WWOX: variants seen among roughly 807,000 people sequenced by gnomAD.
The protein encoded by WWOX is WW domain-containing oxidoreductase.
In WWOX, 69 loss-of-function variants were observed where a neutral mutation model predicts 46.2. That is an observed-to-expected ratio of 1.49 (90% CI 1.23 to 1.82). The LOEUF (loss-of-function observed/expected upper bound fraction) is 1.82, where lower values mean the gene tolerates loss of function less well. Ranked by LOEUF, WWOX falls within the 40% of genes most tolerant of loss-of-function variation. The probability of loss-of-function intolerance (pLI) is 0.00; values close to 1 mark genes in which losing one functional copy is unlikely to be tolerated. For missense variants in WWOX, 919 were observed against 542.6 expected (o/e 1.69, Z -6.89); for synonymous variants, 359 against 202.6 (o/e 1.77, Z -6.56).
intron 8 of WWOX, among the ~76,000 whole-genome samples, chr16:78,488,406 C>T (rs1194687449): frequency 6.6e-6 from 1 of 152,144 alleles, no homozygotes; most frequent in Non-Finnish European, 1.5e-5. Context: ...GTAAAACCTG[C>T]ACAGTGGTAC....
intron 8 of WWOX, among the ~76,000 whole-genome samples, chr16:78,831,643 A>G (rs1049043045): frequency 5.9e-5 from 9 of 152,186 alleles, no homozygotes; most frequent in Non-Finnish European, 1.3e-4. Flanking sequence ...GAGTTTTTTC[A>G]TCTGTGAAAG....
intron 8 of WWOX, among the ~76,000 whole-genome samples, chr16:79,175,406 T>G (rs1289274949): frequency 1.3e-5 from 2 of 152,226 alleles, no homozygotes; most frequent in Non-Finnish European, 2.9e-5. Context: ...TGTTCATGTT[T>G]ACACATGGCC....
At chr16:78,576,013 ATTTAT>A (rs1221307399) in intron 8 of WWOX, among the ~76,000 whole-genome samples, 1 of 152,128 alleles carries the variant, frequency 6.6e-6, no homozygotes, top group Non-Finnish European at 1.5e-5. Context: ...CTGGATTATC[ATTTAT>A]TTATGAGGCT....
chr16:78,937,711 G>A (rs1048739239), intron 8 of WWOX, among the ~76,000 whole-genome samples: 2 of 151,774 alleles, frequency 1.3e-5, no homozygotes, highest in East Asian at 3.9e-4. Context: ...TGCAACCTCC[G>A]CCTCCTGGGT....
At chr16:78,833,152 C>T (rs1183147043) in intron 8 of WWOX, among the ~76,000 whole-genome samples, 1 of 152,030 alleles carries the variant, frequency 6.6e-6, no homozygotes, top group Admixed American at 6.6e-5. Context: ...AGCGATCCTC[C>T]AGCCTCTGCC....
chr16:78,665,490 C>G (rs1286785894), intron 8 of WWOX, among the ~76,000 whole-genome samples: 1 of 152,082 alleles, frequency 6.6e-6, no homozygotes, highest in African/African-American at 2.4e-5. Context: ...CGAGTGGAAT[C>G]TGGGGGCAAG....
At chr16:79,000,831 ACT>A (rs1181407903) in intron 8 of WWOX, among the ~76,000 whole-genome samples, 4 of 152,002 alleles carry the variant, frequency 2.6e-5, no homozygotes, top group South Asian at 2.1e-4. Context: ...TTCCCCATTG[ACT>A]CTCAGAGGAC....
Position 78,349,242 on chromosome 16 carries a change from A to C in WWOX, c.517-37618A>C, listed in dbSNP as rs1031139763. Among the ~76,000 whole-genome samples the C allele has an allele frequency of 2.5e-5, 3 of 119,412 alleles. 1 individual carries two copies. The highest frequency in any genetic ancestry group is 8.6e-5 in the African/African-American group (3 of 35,078). 78.3% of individuals were successfully genotyped at this position (119,412 alleles called of 152,430 possible). ...GATGTCCTCTTCTTTGAAGGACACC[A>C]CTCAGATTGCAATAGGACCTGCCCT... On this transcript the variant is annotated intron_variant, in intron 5 of 8. Coordinates refer to ENST00000566780, the MANE Select transcript of WWOX (RefSeq NM_016373.4).
At chr16:78,778,050 A>G (rs978298399) in intron 8 of WWOX, among the ~76,000 whole-genome samples, 1 of 151,802 alleles carries the variant, frequency 6.6e-6, no homozygotes, top group Admixed American at 6.6e-5. Context: ...ATCTGAAAAA[A>G]AAAAAAAAAA....
chr16:78,566,834 CAG>C (rs1354253112), intron 8 of WWOX, among the ~76,000 whole-genome samples: 3 of 152,264 alleles, frequency 2.0e-5, no homozygotes, highest in East Asian at 3.9e-4. Context: ...ATTCATCAAT[CAG>C]AGTGGGGCAT....
intron 8 of WWOX, among the ~76,000 whole-genome samples, chr16:78,712,167 T>C (rs965035734): frequency 1.3e-5 from 2 of 152,142 alleles, no homozygotes; most frequent in African/African-American, 4.8e-5. Context: ...CGAAATGTTA[T>C]GTGGGATAGG....
At chr16:78,820,201 G>T (rs1336396384) in intron 8 of WWOX, among the ~76,000 whole-genome samples, 1 of 152,088 alleles carries the variant, frequency 6.6e-6, no homozygotes, top group South Asian at 2.1e-4. Context: ...TGACATCTGG[G>T]TGTTGTAAGA....
chr16:78,785,845 C>A (rs753058754), intron 8 of WWOX, among the ~76,000 whole-genome samples: 2 of 152,118 alleles, frequency 1.3e-5, no homozygotes, highest in African/African-American at 4.8e-5. Flanking sequence ...TTTTTTTCTG[C>A]TACTCATAAT....
At chr16:78,633,121 G>A (rs539255354) in intron 8 of WWOX, among the ~76,000 whole-genome samples, 2 of 152,100 alleles carry the variant, frequency 1.3e-5, no homozygotes, top group Non-Finnish European at 2.9e-5. Flanking sequence ...AATTAGCCGG[G>A]TGTGGTGGCG....
In WWOX at chr16:78,316,711, C is replaced by T. The variant is rs1036844243; in HGVS notation, c.517-70149C>T. Among the ~76,000 whole-genome samples the T allele has an allele frequency of 2.0e-5, 3 of 152,072 alleles. No homozygotes were observed. The East Asian group carries it at 5.8e-4, about 29-fold the overall frequency. On this transcript the variant is annotated intron_variant, in intron 5 of 8. Transcript: ENST00000566780. ...GTATTGTCTTTTCTGCTGCTTTATC[C>T]AACTTTGCAATCTATAAGCTTCTGT...
chr16:78,596,292 C>G lies in WWOX; in HGVS notation c.1056+163540C>G, dbSNP rs16948178. Among the ~76,000 whole-genome samples, 657 of 152,254 alleles carry G rather than the reference C, an allele frequency of 4.3e-3. 4 individuals are homozygous for G. Among genetic ancestry groups the G allele is most frequent in the African/African-American group, 0.015 (628 of 41,556 alleles). On this transcript the variant is annotated intron_variant, in intron 8 of 8. Coordinates refer to ENST00000566780, the MANE Select transcript of WWOX (RefSeq NM_016373.4). Reference sequence around the variant, plus strand: ...CATGCAATAGAAACGTTTTGAGATCCTGTCTGGCTGGGTTCTGCTAGGCCT... The same window carrying G: ...CATGCAATAGAAACGTTTTGAGATCGTGTCTGGCTGGGTTCTGCTAGGCCT...
At chr16:78,990,587 C>T (rs892913633) in intron 8 of WWOX, among the ~76,000 whole-genome samples, 2 of 152,160 alleles carry the variant, frequency 1.3e-5, no homozygotes, top group South Asian at 2.1e-4. Flanking sequence ...GTAATTCCAT[C>T]ACCACCCAAG....
At chr16:78,715,215 A>G (rs909267000) in intron 8 of WWOX, among the ~76,000 whole-genome samples, 3 of 152,200 alleles carry the variant, frequency 2.0e-5, no homozygotes, top group African/African-American at 7.2e-5. Context: ...TGCAAGTTAA[A>G]GAAAACACAA....
intron 8 of WWOX, among the ~76,000 whole-genome samples, chr16:78,900,057 C>CTTT (rs754732541): frequency 9.8e-6 from 1 of 102,172 alleles, no homozygotes; most frequent in Non-Finnish European, 1.9e-5. Context: ...GCCCTCCTGA[C>CTTT]TTTTTTTTTT....
Sources: allele counts gnomAD v4.1 joint callset (sites outside exome capture counted in the v4.1 genomes callset), GRCh38; gene constraint gnomAD v4.1.1; transcripts MANE v1.5; gene names NCBI Gene and HGNC (gene_info 2026-07-23, HGNC 2026-07-21).